Variants in HEATR1 observed in about 807,000 individuals in gnomAD.
The protein encoded by HEATR1 is HEAT repeat containing 1.
A neutral mutation model predicts 248.2 loss-of-function variants in HEATR1; 77 were observed. The ratio of observed to expected loss-of-function variants is 0.31; its 90% CI spans 0.26 to 0.37. The LOEUF is 0.37. Among genes scored for constraint, HEATR1 ranks in the 10% least tolerant of loss-of-function variants. The pLI, the probability that HEATR1 is intolerant of heterozygous loss-of-function variation, is 1.00. For missense variants in HEATR1, 2,420 were observed against 2,504.9 expected, an observed-to-expected ratio of 0.97 and a Z score of 0.72; for synonymous variants, 897 against 923.1, an observed-to-expected ratio of 0.97 and a Z score of 0.51.
Position 236,558,372 on chromosome 1 carries a change from A to C in HEATR1, c.5069T>G (p.Val1690Gly). ...TTTCACAGCAGTGTTCAGCACTGGG[A>C]CAAAAGGATCTGGATTTTCTGCACC... ...NFGAENPDPF[V>G]PVLNTAVKLI... The change falls in exon 36 of 45, where the codon GTC becomes GGC. Residue 1690 changes from valine to glycine, a missense_variant. Physicochemically the swap from Val to Gly is moderately radical, Grantham distance 109. Coordinates refer to ENST00000366582, the MANE Select transcript of HEATR1 (RefSeq NM_018072.6). The C allele has an allele frequency of 2.5e-6, 4 of 1,614,190 alleles. No individual in the cohort carries two copies. Among genetic ancestry groups the C allele is most frequent in the Non-Finnish European group, 2.5e-6 (3 of 1,180,022 alleles).
At position 236,572,781 on chromosome 1, in the gene HEATR1, A is replaced by G; in HGVS notation, c.3507T>C (p.Asp1169=). Residue 1169 remains aspartate (D), a synonymous_variant, in exon 25 of 45, where the codon GAT becomes GAC. Coordinates refer to ENST00000366582, the MANE Select transcript of HEATR1 (RefSeq NM_018072.6). ...GAACTGTGCCCAAGGGTTTAGCTTT[A>G]TCTGGTGGCTCCAGTTCTATTCGGA... ...EQVRIELEPP[D]KAKPLGTVQQ... 1 of 1,614,034 alleles carries G rather than the reference A, an allele frequency of 6.2e-7. No homozygotes were observed. The highest frequency in any genetic ancestry group is 8.5e-7 in the Non-Finnish European group (1 of 1,179,882).
chr1:236,586,650 AT>A (rs1182940297), intron 14 of HEATR1, among the ~76,000 whole-genome samples, 198 bp from the exon 15 acceptor site: 1 of 151,908 alleles, frequency 6.6e-6, no homozygotes. Flanking sequence ...TTATTTATTT[AT>A]TTTTTGTACA....
chr1:236,601,921 G>A (rs924141245), intron 3 of HEATR1, among the ~76,000 whole-genome samples: 2 of 151,144 alleles, frequency 1.3e-5, no homozygotes, highest in East Asian at 1.9e-4. Flanking sequence ...CACGAGGTCA[G>A]GAGTTTGAGA....
At chr1:236,561,520 T>TCAA (rs1248598052) in intron 32 of HEATR1, among the ~76,000 whole-genome samples, 4 of 152,188 alleles carry the variant, frequency 2.6e-5, no homozygotes, top group Non-Finnish European at 4.4e-5. Context: ...AATACAGCAA[T>TCAA]CAACACTCAA....
chr1:236,555,090 C>T (rs1465530084), intron 41 of HEATR1, among the ~76,000 whole-genome samples: 1 of 152,132 alleles, frequency 6.6e-6, no homozygotes, highest in Non-Finnish European at 1.5e-5. Flanking sequence ...ATTCTTTCTC[C>T]CAAGTGAGGT....
chr1:236,597,088 G>A lies in HEATR1; in HGVS notation c.604-112C>T, dbSNP rs1010792889. ...TTCAATGAACTATGATGGCACCACT[G>A]TACTCTAGCCTGGGCGACAAAGCAA... On this transcript the variant is annotated intron_variant, in intron 5 of 44. Transcript: ENST00000366582. 29 of 871,574 alleles carry A rather than the reference G, an allele frequency of 3.3e-5. No individual in the cohort carries two copies. The South Asian group carries it at 5.1e-4, about 15-fold the overall frequency. The allele number at this position is 871,574 out of a possible 1,614,324, so 54.0% of individuals were successfully genotyped here. A position where few individuals can be genotyped will look rare whatever the true frequency, so the allele number is the denominator to read the frequency against.
intron 24 of HEATR1, 107 bp downstream of exon 24, chr1:236,574,095 A>G: frequency 1.0e-6 from 1 of 955,690 alleles, no homozygotes. Context: ...TAATGGTAAC[A>G]TCTGACCTCT....
Position 236,592,090 on chromosome 1 carries a change from A to G in HEATR1, c.1325T>C (p.Val442Ala). 6.3e-7 allele frequency: 1 copy of G among 1,588,678 alleles called. No homozygotes were observed. Among genetic ancestry groups the G allele is most frequent in the South Asian group, 1.1e-5 (1 of 88,602 alleles). ...TTCCTTTAAGTGTTCCTCTAATACAACATCTAATGTTCTGGGGTATCTGGG... is the reference window on the plus strand; with the variant it reads ...TTCCTTTAAGTGTTCCTCTAATACAGCATCTAATGTTCTGGGGTATCTGGG... ...LESKYPRTLD[V>A]VLEEHLKEIA... Residue 442 changes from valine (V) to alanine (A), a missense_variant, in exon 11 of 45, where the codon GTT becomes GCT. By Grantham distance (64) the Val-to-Ala change is moderately conservative. Coordinates refer to ENST00000366582, the MANE Select transcript of HEATR1 (RefSeq NM_018072.6).
intron 28 of HEATR1, 35 bp downstream of exon 28, chr1:236,571,316 A>T: frequency 6.4e-7 from 1 of 1,558,968 alleles, no homozygotes; most frequent in Non-Finnish European, 8.6e-7. Context: ...AAATATCTGA[A>T]ATATCTGCTA....
At chr1:236,595,416 A>G in intron 8 of HEATR1, 124 bp downstream of exon 8, 1 of 756,336 alleles carries the variant, frequency 1.3e-6, no homozygotes, top group Non-Finnish European at 2.0e-6. Flanking sequence ...GAAATAGACA[A>G]GTTACACAAG....
In HEATR1 at chr1:236,603,321, T is replaced by A. The variant is rs753367978; in HGVS notation, c.198A>T (p.Glu66Asp). The A allele has an allele frequency of 6.8e-6, 11 of 1,614,190 alleles. No homozygotes were observed. The highest frequency in any genetic ancestry group is 9.3e-6 in the Non-Finnish European group (11 of 1,180,016). ...TTGCTAGCTGACTGAACAACGGTGC[T>A]TCAAACTGCTCAAAGGAAGGATCAA... is the stretch of plus-strand genomic sequence containing the variant. The part of the protein sequence containing the change: ...LGIDPSFEQF[E>D]APLFSQLAKT... Residue 66 changes from glutamate to aspartate, a missense_variant, in exon 3 of 45, where the codon GAA becomes GAT. By Grantham distance (45) the Glu-to-Asp change is conservative (BLOSUM62 2). Transcript: ENST00000366582.
At chr1:236,604,306 CG>C (rs1176918396) in intron 1 of HEATR1, 115 bp downstream of exon 1, 12 of 460,256 alleles carry the variant, frequency 2.6e-5, no homozygotes, top group Non-Finnish European at 4.4e-5. Flanking sequence ...ACAGTAGCGG[CG>C]ACCGCGCCAA....
At chr1:236,583,851 T>A (rs1029895066) in intron 17 of HEATR1, among the ~76,000 whole-genome samples, 1 of 152,162 alleles carries the variant, frequency 6.6e-6, no homozygotes, top group Non-Finnish European at 1.5e-5. Context: ...TTAAAGGGAA[T>A]TCTTTGATTT....
At chr1:236,556,511 G>A (rs1414314585) in intron 37 of HEATR1, among the ~76,000 whole-genome samples, 1 of 152,218 alleles carries the variant, frequency 6.6e-6, no homozygotes, top group Non-Finnish European at 1.5e-5. Context: ...CCAGACAGAT[G>A]ATTTTCTTAG....
At chr1:236,592,766 T>G in intron 9 of HEATR1, 133 bp from the exon 10 acceptor site, 1 of 486,262 alleles carries the variant, frequency 2.1e-6, no homozygotes, top group Non-Finnish European at 3.7e-6. Context: ...AATACTTATT[T>G]TACAGATAAA....
At position 236,558,522 on chromosome 1, in the gene HEATR1, C is replaced by T. The variant is rs374894422; in HGVS notation, c.4919G>A (p.Arg1640His). The T allele has an allele frequency of 1.6e-5, 25 of 1,610,370 alleles. No homozygotes were observed. Among genetic ancestry groups the T allele is most frequent in the Admixed American group, 1.5e-4 (9 of 59,760 alleles). Residue 1640 changes from arginine to histidine, a missense_variant, in exon 36 of 45, where the codon CGT becomes CAT. Physicochemically the swap from Arg to His is conservative, Grantham distance 29. Transcript: ENST00000366582. ...AAGGTCTGGAACCAGTTTTAGGAAA[C>T]GGGTAACCTGAAGGGGACAGCCAGA... ...NISWKKTIVTRFLKLVPDLLA... is the reference protein window; with the variant it reads ...NISWKKTIVTHFLKLVPDLLA...
intron 12 of HEATR1, among the ~76,000 whole-genome samples, chr1:236,590,283 A>C (rs1343751890): frequency 6.6e-6 from 1 of 152,130 alleles, no homozygotes; most frequent in African/African-American, 2.4e-5. Context: ...GCTGGAGAGC[A>C]GTGGCGTGAT....
intron 20 of HEATR1, among the ~76,000 whole-genome samples, chr1:236,577,216 A>G (rs1385551849): frequency 6.6e-6 from 1 of 152,152 alleles, no homozygotes; most frequent in Non-Finnish European, 1.5e-5. Flanking sequence ...CAATGGTGCA[A>G]TCTCGGCTCA....
intron 18 of HEATR1, 56 bp downstream of exon 18, chr1:236,582,957 C>T: frequency 6.2e-7 from 1 of 1,604,262 alleles, no homozygotes; most frequent in Non-Finnish European, 8.5e-7. Flanking sequence ...ATTGTGGAGT[C>T]AATCATTCAG....
Sources: gnomAD v4.1 joint callset for allele counts (sites outside exome capture counted in the v4.1 genomes callset) on GRCh38, gnomAD v4.1.1 for gene constraint, MANE v1.5 for transcripts, NCBI Gene and HGNC (gene_info 2026-07-23, HGNC 2026-07-21) for gene names.